EYA4: variants seen among roughly 807,000 people sequenced by gnomAD.
EYA4 encodes EYA transcriptional coactivator and phosphatase 4.
A neutral mutation model predicts 87.9 loss-of-function variants in EYA4; 31 were observed. The ratio of observed to expected loss-of-function variants is 0.35; its 90% confidence interval spans 0.27 to 0.48. EYA4 has a LOEUF of 0.48. Ranked by LOEUF, EYA4 falls within the 20% of genes least tolerant of loss-of-function variation. The pLI, the probability that EYA4 is intolerant of heterozygous loss-of-function variation, is 0.99. For missense variants in EYA4, 678 were observed against 761.4 expected, an observed-to-expected ratio of 0.89 and a Z score of 1.29; for synonymous variants, 263 against 270.6, an observed-to-expected ratio of 0.97 and a Z score of 0.28.
chr6:133,418,579 A>G (rs1789948988), intron 3 of EYA4, among the ~76,000 whole-genome samples: 1 of 152,246 alleles, frequency 6.6e-6, no homozygotes, highest in South Asian at 2.1e-4. Flanking sequence ...ATTAAACTAT[A>G]CATATGTATT....
intron 2 of EYA4, among the ~76,000 whole-genome samples, chr6:133,282,067 C>A (rs1400973272): frequency 3.9e-5 from 6 of 152,066 alleles, no homozygotes; most frequent in African/African-American, 1.4e-4. Context: ...TGAATAATGT[C>A]TTTCTGATAG....
At position 133,468,181 on chromosome 6, in the gene EYA4, A is replaced by T. The variant is rs1795012068; in HGVS notation, c.805-385A>T. On this transcript the variant is annotated intron_variant, in intron 10 of 19. Transcript: ENST00000355286. ...GGGCAGCCCCAACTCCTTGCTGGTGATGTTAGAAGATGTGTAAGAACGGAT... is the reference window on the plus strand; with the variant it reads ...GGGCAGCCCCAACTCCTTGCTGGTGTTGTTAGAAGATGTGTAAGAACGGAT... 2.0e-5 allele frequency among the ~76,000 whole-genome samples: 3 copies of T among 152,070 alleles called. No individual in the cohort carries two copies. In the South Asian group the frequency reaches 6.2e-4, roughly 31 times the overall value.
At chr6:133,307,807 A>G (rs1779920558) in intron 2 of EYA4, among the ~76,000 whole-genome samples, 1 of 152,200 alleles carries the variant, frequency 6.6e-6, no homozygotes, top group East Asian at 1.9e-4. Flanking sequence ...GAAAGGCTGT[A>G]GAACCTGCTG....
chr6:133,342,604 T>A (rs1004769482), intron 2 of EYA4, among the ~76,000 whole-genome samples: 2 of 143,086 alleles, frequency 1.4e-5, no homozygotes, highest in Non-Finnish European at 3.0e-5. Flanking sequence ...TATATATATA[T>A]AATTCTTTAT....
chr6:133,529,329 C>G lies in EYA4; in HGVS notation c.*524C>G, dbSNP rs1181510287. On this transcript the variant is annotated 3_prime_UTR_variant, in exon 20 of 20. Coordinates refer to ENST00000355286, the MANE Select transcript of EYA4 (RefSeq NM_004100.5). ...AAATAATTTACTGTGACTTTATTAG[C>G]AGCTGACTTTCAAAGTGGATGCAAT... 1 of 992,854 alleles carries G rather than the reference C, an allele frequency of 1.0e-6. No homozygotes were observed. Among genetic ancestry groups the G allele is most frequent in the East Asian group, 1.1e-4 (1 of 9,352 alleles). 61.5% of individuals were successfully genotyped at this position (992,854 alleles called of 1,614,324 possible).
chr6:133,444,680 AGTG>A (rs1437671387), intron 3 of EYA4, among the ~76,000 whole-genome samples: 1 of 152,166 alleles, frequency 6.6e-6, no homozygotes, highest in East Asian at 1.9e-4. Context: ...CCTCAGAAAG[AGTG>A]TGCTCTTGGG....
At chr6:133,259,061 T>C (rs976603332) in intron 1 of EYA4, among the ~76,000 whole-genome samples, 1 of 152,204 alleles carries the variant, frequency 6.6e-6, no homozygotes, top group African/African-American at 2.4e-5. Context: ...CGTCAATTTA[T>C]AATTGAGTGA....
chr6:133,514,426 G>A (rs1329729991), intron 16 of EYA4, among the ~76,000 whole-genome samples: 2 of 152,126 alleles, frequency 1.3e-5, no homozygotes, highest in East Asian at 1.9e-4. Context: ...TTAACAAGAA[G>A]ACTAAGAAGT....
chr6:133,459,795 C>T (rs1323398286), intron 6 of EYA4, among the ~76,000 whole-genome samples: 5 of 152,002 alleles, frequency 3.3e-5, no homozygotes, highest in African/African-American at 1.2e-4. Flanking sequence ...TTCAACGATA[C>T]GTATCAAATT....
chr6:133,394,284 GTTTTTTTTTTTTTTT>G (rs869103311), intron 3 of EYA4, among the ~76,000 whole-genome samples: 17 of 17,900 alleles, frequency 9.5e-4, no homozygotes, highest in African/African-American at 2.4e-3. Flanking sequence ...ATAAGCTTGT[GTTTTTTTTTTTTTTT>G]TTTTTTTTTT....
At chr6:133,260,015 T>A (rs2128241191) in intron 1 of EYA4, among the ~76,000 whole-genome samples, 1 of 152,312 alleles carries the variant, frequency 6.6e-6, no homozygotes, top group African/African-American at 2.4e-5. Context: ...TGTAAAAAAA[T>A]TCAGTGAATA....
intron 1 of EYA4, among the ~76,000 whole-genome samples, chr6:133,260,991 A>T (rs1406239600): frequency 2.0e-5 from 3 of 152,228 alleles, no homozygotes; most frequent in Non-Finnish European, 4.4e-5. Flanking sequence ...ACTTTTCCAT[A>T]TCATCAATTT....
chr6:133,426,884 A>G (rs2128574516), intron 3 of EYA4, among the ~76,000 whole-genome samples: 1 of 152,302 alleles, frequency 6.6e-6, no homozygotes, highest in East Asian at 1.9e-4. Flanking sequence ...TTTATATCAC[A>G]TCTCCTTGGA....
chr6:133,452,388 G>A (rs1309526008), intron 5 of EYA4, among the ~76,000 whole-genome samples: 6 of 152,106 alleles, frequency 3.9e-5, no homozygotes, highest in African/African-American at 1.4e-4. Context: ...GTTACCTTTC[G>A]AGGATGAAGC....
intron 11 of EYA4, among the ~76,000 whole-genome samples, chr6:133,476,973 T>C (rs1446895671): frequency 6.6e-6 from 1 of 151,922 alleles, no homozygotes; most frequent in East Asian, 1.9e-4. Context: ...CTCGTGATAG[T>C]GAGTGAGTTC....
At chr6:133,401,047 A>T (rs1238065856) in intron 3 of EYA4, among the ~76,000 whole-genome samples, 1 of 152,232 alleles carries the variant, frequency 6.6e-6, no homozygotes, top group African/African-American at 2.4e-5. Context: ...ATACAATGGA[A>T]TATTATTCAG....
intron 1 of EYA4, chr6:133,247,546 A>G (rs991303680): frequency 1.3e-5 from 2 of 152,256 alleles, no homozygotes; most frequent in Admixed American, 6.5e-5. Context: ...TTTTGGAAAT[A>G]CATTCAATTT....
chr6:133,301,334 A>T (rs745714861), intron 2 of EYA4, among the ~76,000 whole-genome samples: 2 of 152,224 alleles, frequency 1.3e-5, no homozygotes, highest in Non-Finnish European at 2.9e-5. Flanking sequence ...TGAAAATTCT[A>T]TCCACTGTTA....
intron 1 of EYA4, among the ~76,000 whole-genome samples, chr6:133,274,476 A>T (rs931617463): frequency 2.0e-5 from 3 of 152,150 alleles, no homozygotes; most frequent in South Asian, 2.1e-4. Context: ...CAGACTATGG[A>T]TATTTTTGTT....
Sources: allele counts gnomAD v4.1 joint callset (sites outside exome capture counted in the v4.1 genomes callset), GRCh38; gene constraint gnomAD v4.1.1; transcripts MANE v1.5; gene names NCBI Gene and HGNC (gene_info 2026-07-23, HGNC 2026-07-21).